The following CNTNAP2 variants were observed in gnomAD, a reference collection of about 807,000 sequenced individuals.
CNTNAP2 encodes the protein contactin associated protein 2.
CNTNAP2 carries 98 observed loss-of-function variants against 155.2 expected under a neutral mutation model. That is an observed-to-expected ratio of 0.63 (90% CI 0.54 to 0.75). CNTNAP2 has a LOEUF of 0.75. Among genes scored for constraint, CNTNAP2 ranks in the 30% least tolerant of loss-of-function variants. CNTNAP2 has a pLI of 0.00. For missense variants in CNTNAP2, 1,727 were observed against 1,688.1 expected (o/e 1.02, Z -0.40); for synonymous variants, 651 against 631.2 (o/e 1.03, Z -0.47).
intron 2 of CNTNAP2, among the ~76,000 whole-genome samples, chr7:146,790,993 C>T (rs1802663468): frequency 1.3e-5 from 2 of 151,692 alleles, no homozygotes; most frequent in Admixed American, 6.6e-5. Flanking sequence ...CACAGGTATA[C>T]ATGTGCCACG....
intron 1 of CNTNAP2, among the ~76,000 whole-genome samples, chr7:146,505,023 C>T (rs1797361842): frequency 6.6e-6 from 1 of 152,218 alleles, no homozygotes; most frequent in Non-Finnish European, 1.5e-5. Flanking sequence ...TGTTCTCCCA[C>T]TAACGAGCCC....
chr7:147,950,364 CAAAAAAAAAAAAAAA>C (rs386411606), intron 14 of CNTNAP2, among the ~76,000 whole-genome samples: 2 of 55,782 alleles, frequency 3.6e-5, no homozygotes, highest in Admixed American at 6.1e-4. Flanking sequence ...CATAGAGAGG[CAAAAAAAAAAAAAAA>C]AAAAAAAAAA....
chr7:147,067,525 T>G (rs991496228), intron 4 of CNTNAP2, among the ~76,000 whole-genome samples: 2 of 152,146 alleles, frequency 1.3e-5, no homozygotes, highest in Non-Finnish European at 2.9e-5. Context: ...TTCTTTTTTA[T>G]GAGTATGCTA....
At chr7:146,156,308 T>A (rs1055460327) in intron 1 of CNTNAP2, among the ~76,000 whole-genome samples, 4 of 152,180 alleles carry the variant, frequency 2.6e-5, no homozygotes, top group African/African-American at 7.2e-5. Context: ...AAAGAATGAT[T>A]GTTCATGTTT....
intron 20 of CNTNAP2, among the ~76,000 whole-genome samples, chr7:148,230,989 C>T (rs966457745): frequency 2.6e-5 from 4 of 152,156 alleles, no homozygotes; most frequent in East Asian, 3.8e-4. Flanking sequence ...TTGTCTCCCT[C>T]GGCTTTTGAT....
At chr7:146,404,370 G>A (rs940815038) in intron 1 of CNTNAP2, among the ~76,000 whole-genome samples, 3 of 152,074 alleles carry the variant, frequency 2.0e-5, no homozygotes, top group Admixed American at 6.5e-5. Flanking sequence ...GGGGTGGAAT[G>A]GAGAAATCTG....
intron 5 of CNTNAP2, among the ~76,000 whole-genome samples, chr7:147,119,679 G>C (rs569405566): frequency 5.3e-5 from 8 of 151,998 alleles, no homozygotes; most frequent in Admixed American, 4.6e-4. Context: ...AATAGAAAAT[G>C]TAAGGTATGG....
At chr7:146,800,788 A>C (rs962151475) in intron 2 of CNTNAP2, among the ~76,000 whole-genome samples, 1 of 152,162 alleles carries the variant, frequency 6.6e-6, no homozygotes, top group Non-Finnish European at 1.5e-5. Context: ...TATACTAGAT[A>C]TAATCTCCCA....
chr7:146,781,230 A>AAC (rs1802482036), intron 2 of CNTNAP2, among the ~76,000 whole-genome samples: 1 of 151,168 alleles, frequency 6.6e-6, no homozygotes, highest in Admixed American at 6.6e-5. Flanking sequence ...TCCATCTCAA[A>AAC]AAAAAAAAAA....
intron 1 of CNTNAP2, among the ~76,000 whole-genome samples, chr7:146,366,954 G>T (rs1795164141): frequency 6.6e-6 from 1 of 152,076 alleles, no homozygotes; most frequent in African/African-American, 2.4e-5. Flanking sequence ...TCTTACATAA[G>T]TTTTCTCAAT....
intron 20 of CNTNAP2, among the ~76,000 whole-genome samples, chr7:148,265,145 G>T (rs1229787050): frequency 6.6e-6 from 1 of 152,192 alleles, no homozygotes; most frequent in Non-Finnish European, 1.5e-5. Flanking sequence ...AGTTACCCAT[G>T]GGTGTCATTA....
chr7:148,405,603 ATTTTTTTTTTTTTTT>A (rs535094195), intron 22 of CNTNAP2, among the ~76,000 whole-genome samples: 2 of 36,794 alleles, frequency 5.4e-5, no homozygotes, highest in African/African-American at 1.3e-4. Flanking sequence ...TGCACAGCTA[ATTTTTTTTTTTTTTT>A]TTTTTTTTTT....
chr7:147,219,516 C>T (rs1051874261), intron 8 of CNTNAP2, among the ~76,000 whole-genome samples: 5 of 152,120 alleles, frequency 3.3e-5, no homozygotes, highest in Non-Finnish European at 5.9e-5. Flanking sequence ...CTAAGCACAC[C>T]TCTTCATTCC....
At chr7:147,676,815 A>G (rs1347792298) in intron 13 of CNTNAP2, among the ~76,000 whole-genome samples, 1 of 151,952 alleles carries the variant, frequency 6.6e-6, no homozygotes, top group Non-Finnish European at 1.5e-5. Flanking sequence ...CTCCAGGTTC[A>G]TCCATGTTGT....
At chr7:147,669,157 T>C (rs1232439994) in intron 13 of CNTNAP2, among the ~76,000 whole-genome samples, 1 of 152,150 alleles carries the variant, frequency 6.6e-6, no homozygotes, top group Non-Finnish European at 1.5e-5. Flanking sequence ...GTACATTCTA[T>C]GATGTCCATA....
At position 147,084,649 on chromosome 7, in the gene CNTNAP2, AC is replaced by A. The variant is rs1172173417; in HGVS notation, c.551-23496del. The stretch of plus-strand genomic sequence containing the variant: ...ATATGTATATACATGTATACGTTAT[AC>A]CATATACTATATAATATATAGCATA... On this transcript the variant is annotated intron_variant, in intron 4 of 23. Transcript: ENST00000361727. Among the ~76,000 whole-genome samples, 13 of 146,900 alleles carry A rather than the reference AC, an allele frequency of 8.8e-5. No homozygotes were observed. In the East Asian group the frequency reaches 2.6e-3, roughly 29 times the overall value.
At chr7:147,627,084 A>G (rs995080911) in intron 12 of CNTNAP2, among the ~76,000 whole-genome samples, 2 of 152,140 alleles carry the variant, frequency 1.3e-5, no homozygotes, top group South Asian at 4.1e-4. Flanking sequence ...TCTGCGTTCC[A>G]GCTCTCAGGA....
At chr7:148,021,081 G>A (rs1802272141) in intron 15 of CNTNAP2, among the ~76,000 whole-genome samples, 1 of 152,152 alleles carries the variant, frequency 6.6e-6, no homozygotes, top group Non-Finnish European at 1.5e-5. Flanking sequence ...TCTGTAGACT[G>A]TTGAGTGAAT....
Position 146,841,379 on chromosome 7 carries a change from G to A in CNTNAP2, c.402+1475G>A, listed in dbSNP as rs1803719922. Among the ~76,000 whole-genome samples the A allele has an allele frequency of 1.3e-5, 2 of 151,634 alleles. 1 individual carries two copies. The highest frequency in any genetic ancestry group is 4.2e-4 in the South Asian group (2 of 4,808). On this transcript the variant is annotated intron_variant, in intron 3 of 23. Transcript: ENST00000361727. ...CGGAGGAGTAAGGGGGTTGGGTGGG[G>A]GGAAGGGGAGGGAGAAATCAAGTGG... is the stretch of plus-strand genomic sequence containing the variant.
Sources: gnomAD v4.1 joint callset for allele counts (sites outside exome capture counted in the v4.1 genomes callset) on GRCh38, gnomAD v4.1.1 for gene constraint, MANE v1.5 for transcripts, NCBI Gene and HGNC (gene_info 2026-07-23, HGNC 2026-07-21) for gene names.